Variants in WDFY4 observed in about 807,000 individuals in gnomAD.
WDFY4 encodes WDFY family member 4.
In WDFY4, 169 loss-of-function variants were observed where a neutral mutation model predicts 351.9. That is an observed-to-expected ratio of 0.48 (90% CI 0.42 to 0.55). WDFY4 has a LOEUF of 0.55. Among genes scored for constraint, WDFY4 ranks in the 20% least tolerant of loss-of-function variants. WDFY4 has a pLI of 0.00. For missense variants in WDFY4, 3,803 were observed against 3,935.6 expected, an observed-to-expected ratio of 0.97 and a Z score of 0.90; for synonymous variants, 1,622 against 1,574.6, an observed-to-expected ratio of 1.03 and a Z score of -0.71.
chr10:48,772,809 T>A (rs1004036360), intron 13 of WDFY4, among the ~76,000 whole-genome samples: 12 of 150,818 alleles, frequency 8.0e-5, no homozygotes, highest in African/African-American at 3.0e-4. Flanking sequence ...TGGTTTTTTG[T>A]TCTTGCGATA....
intron 58 of WDFY4, among the ~76,000 whole-genome samples, chr10:48,976,043 A>C (rs956423838): frequency 6.6e-6 from 1 of 152,190 alleles, no homozygotes; most frequent in African/African-American, 2.4e-5. Context: ...AACTGATTTC[A>C]GTCTGTGCTT....
chr10:48,750,902 CT>C (rs1198818914), intron 12 of WDFY4, among the ~76,000 whole-genome samples: 1 of 152,242 alleles, frequency 6.6e-6, no homozygotes, highest in African/African-American at 2.4e-5. Context: ...TCAGGGACCC[CT>C]GTGAATGGTC....
intron 47 of WDFY4, among the ~76,000 whole-genome samples, chr10:48,931,826 A>G (rs1840029673): frequency 6.6e-6 from 1 of 152,224 alleles, no homozygotes; most frequent in African/African-American, 2.4e-5. Flanking sequence ...AATAAGAGAG[A>G]TAGCTTTCCT....
intron 18 of WDFY4, 54 bp from the exon 19 acceptor site, chr10:48,779,887 G>C: frequency 1.3e-6 from 2 of 1,542,082 alleles, no homozygotes; most frequent in South Asian, 2.4e-5. Context: ...CATTCTCCTG[G>C]GTTCCTGCAG....
chr10:48,685,713 T>TG (rs149262507), intron 1 of WDFY4, among the ~76,000 whole-genome samples: 6,701 of 152,102 alleles, frequency 0.044, 182 homozygotes, highest in East Asian at 0.067. Flanking sequence ...ATCTAAAGTG[T>TG]GGGGGGGCTG....
intron 13 of WDFY4, among the ~76,000 whole-genome samples, chr10:48,767,223 G>T (rs954132568): frequency 6.6e-6 from 1 of 152,204 alleles, no homozygotes; most frequent in African/African-American, 2.4e-5. Context: ...TCTGCAAAAT[G>T]GGTGTGATGA....
At chr10:48,694,014 A>C (rs1383042477) in intron 1 of WDFY4, among the ~76,000 whole-genome samples, 1 of 152,204 alleles carries the variant, frequency 6.6e-6, no homozygotes, top group Non-Finnish European at 1.5e-5. Context: ...ACTTCCAGAT[A>C]TGTTTCAAAG....
intron 57 of WDFY4, among the ~76,000 whole-genome samples, chr10:48,972,109 A>G (rs777457384): frequency 6.6e-6 from 1 of 152,208 alleles, no homozygotes; most frequent in African/African-American, 2.4e-5. Context: ...ATCAACAGGA[A>G]AAGATATGGG....
chr10:48,727,092 C>A (rs116105937), intron 6 of WDFY4, among the ~76,000 whole-genome samples: 2,170 of 152,324 alleles, frequency 0.014, 49 homozygotes, highest in African/African-American at 0.049. Flanking sequence ...CATACATCCT[C>A]CCCTGCATTT....
chr10:48,820,806 C>T (rs2067798071), intron 33 of WDFY4, among the ~76,000 whole-genome samples: 1 of 152,154 alleles, frequency 6.6e-6, no homozygotes. Flanking sequence ...GGGCCGGCCC[C>T]ACCTGTGGCA....
intron 45 of WDFY4, 67 bp downstream of exon 45, chr10:48,897,641 G>A: frequency 2.0e-6 from 3 of 1,520,032 alleles, no homozygotes; most frequent in Non-Finnish European, 2.6e-6. Context: ...AGGTGGTCCA[G>A]GAGCCATCCA....
intron 53 of WDFY4, among the ~76,000 whole-genome samples, chr10:48,961,827 T>C (rs1589999532): frequency 6.6e-6 from 1 of 151,956 alleles, no homozygotes; most frequent in Non-Finnish European, 1.5e-5. Context: ...GCAGATCTTT[T>C]GTGATTTTTT....
intron 39 of WDFY4, among the ~76,000 whole-genome samples, chr10:48,844,111 A>G (rs1487649073): frequency 6.6e-6 from 1 of 152,140 alleles, no homozygotes. Flanking sequence ...TCGCCCTGGG[A>G]CCCATCTATT....
chr10:48,769,558 T>TA (rs1261795050), intron 13 of WDFY4, among the ~76,000 whole-genome samples: 1 of 152,174 alleles, frequency 6.6e-6, no homozygotes, highest in Non-Finnish European at 1.5e-5. Context: ...GTAAAGCCCC[T>TA]AGTGCTTTCA....
intron 47 of WDFY4, among the ~76,000 whole-genome samples, chr10:48,906,940 T>G (rs1167299864): frequency 6.9e-6 from 1 of 145,108 alleles, no homozygotes; most frequent in Non-Finnish European, 1.5e-5. Context: ...CTTTTGCGAT[T>G]TTTTTTTTTT....
chr10:48,879,917 C>G (rs1369072346), intron 43 of WDFY4, among the ~76,000 whole-genome samples: 1 of 152,242 alleles, frequency 6.6e-6, no homozygotes, highest in African/African-American at 2.4e-5. Flanking sequence ...ACCAACTCTG[C>G]TGCTGCCTAG....
intron 55 of WDFY4, chr10:48,966,938 C>T: frequency 2.1e-6 from 1 of 470,546 alleles, no homozygotes; most frequent in East Asian, 3.6e-5. Context: ...CACACACAGA[C>T]ACCTCTTTCA....
At chr10:48,734,942 ATT>A (rs3079302) in intron 10 of WDFY4, among the ~76,000 whole-genome samples, 1 of 123,326 alleles carries the variant, frequency 8.1e-6, no homozygotes, top group South Asian at 2.6e-4. Flanking sequence ...TGCACGGCTA[ATT>A]TTTTTTTTTT....
chr10:48,717,918 G>A (rs1002780528), intron 2 of WDFY4, among the ~76,000 whole-genome samples: 8 of 152,204 alleles, frequency 5.3e-5, no homozygotes, highest in Non-Finnish European at 1.0e-4. Flanking sequence ...ACCTAGCAAT[G>A]AAATTGCCAG....
Sources: gnomAD v4.1 joint callset for allele counts (sites outside exome capture counted in the v4.1 genomes callset) on GRCh38, gnomAD v4.1.1 for gene constraint, MANE v1.5 for transcripts, NCBI Gene and HGNC (gene_info 2026-07-23, HGNC 2026-07-21) for gene names.